The following DGKB variants were observed in gnomAD, a reference collection of about 807,000 sequenced individuals.
The protein encoded by DGKB is 90 kDa diacylglycerol kinase.
Under a neutral mutation model 114.3 loss-of-function variants are expected in DGKB, and 67 were observed. The ratio of observed to expected loss-of-function variants is 0.59; its 90% CI spans 0.48 to 0.72. The LOEUF is 0.72. DGKB is among the 30% of genes least tolerant of loss of function. DGKB has a pLI of 0.00. For synonymous variants in DGKB, 398 were observed against 323.1 expected (o/e 1.23, Z -2.49); for missense variants, 907 against 975.2 (o/e 0.93, Z 0.93).
intron 1 of DGKB, among the ~76,000 whole-genome samples, chr7:14,960,804 G>A (rs978513203): frequency 3.3e-5 from 5 of 151,940 alleles, no homozygotes; most frequent in Non-Finnish European, 7.4e-5. Flanking sequence ...TTTGTACTGT[G>A]AATACATTTA....
At chr7:14,421,694 T>C (rs755441020) in intron 21 of DGKB, among the ~76,000 whole-genome samples, 3 of 152,052 alleles carry the variant, frequency 2.0e-5, no homozygotes, top group Non-Finnish European at 2.9e-5. Context: ...TAGAGTACTT[T>C]TAAAAAGCTC....
chr7:14,549,883 G>C (rs547312213), intron 20 of DGKB, among the ~76,000 whole-genome samples: 2 of 152,144 alleles, frequency 1.3e-5, no homozygotes, highest in South Asian at 2.1e-4. Context: ...AGCTGGTTGA[G>C]AGGCTGAGGG....
At chr7:14,959,639 G>A (rs1786725713) in intron 1 of DGKB, among the ~76,000 whole-genome samples, 1 of 151,838 alleles carries the variant, frequency 6.6e-6, no homozygotes, top group Admixed American at 6.6e-5. Context: ...CCTGAAAGAA[G>A]TAACTGGAAA....
intron 20 of DGKB, among the ~76,000 whole-genome samples, chr7:14,553,864 G>GTTTT (rs1563492076): frequency 4.8e-5 from 4 of 83,160 alleles, no homozygotes; most frequent in Admixed American, 1.4e-4. Context: ...TCCTTTACAT[G>GTTTT]CTTTTTTTTT....
At chr7:14,405,650 GA>G (rs1205255552) in intron 21 of DGKB, among the ~76,000 whole-genome samples, 2 of 151,932 alleles carry the variant, frequency 1.3e-5, no homozygotes, top group Non-Finnish European at 2.9e-5. Context: ...CCAAGTTGGA[GA>G]AAAAAGTCAG....
chr7:14,429,947 A>C (rs917936587), intron 21 of DGKB, among the ~76,000 whole-genome samples: 2 of 152,066 alleles, frequency 1.3e-5, no homozygotes, highest in African/African-American at 2.4e-5. Flanking sequence ...AAAAAGGCAA[A>C]ATGTATTTCG....
At chr7:14,893,569 C>T (rs1191913971) in intron 1 of DGKB, among the ~76,000 whole-genome samples, 1 of 151,234 alleles carries the variant, frequency 6.6e-6, no homozygotes, top group African/African-American at 2.4e-5. Flanking sequence ...TCTATGCCAC[C>T]AAATTTTTAT....
intron 23 of DGKB, among the ~76,000 whole-genome samples, chr7:14,259,451 G>A (rs1194692329): frequency 1.3e-5 from 2 of 151,124 alleles, no homozygotes; most frequent in East Asian, 3.9e-4. Context: ...TTATAAGACG[G>A]AGTCTTGCTC....
chr7:14,974,043 A>G (rs1787651697), intron 1 of DGKB, among the ~76,000 whole-genome samples: 1 of 151,954 alleles, frequency 6.6e-6, no homozygotes, highest in Non-Finnish European at 1.5e-5. Flanking sequence ...TCAAATAAAA[A>G]GGCAAACATT....
chr7:14,689,374 A>T (rs868346074), intron 9 of DGKB, among the ~76,000 whole-genome samples: 2 of 151,566 alleles, frequency 1.3e-5, no homozygotes, highest in African/African-American at 4.9e-5. Flanking sequence ...ACGGGGTTTC[A>T]CCGTGTTAGC....
intron 2 of DGKB, among the ~76,000 whole-genome samples, chr7:14,830,520 C>T (rs1846269766): frequency 6.6e-6 from 1 of 152,078 alleles, no homozygotes; most frequent in Admixed American, 6.6e-5. Context: ...CATTTTATTC[C>T]TTTCCTGATA....
At chr7:14,193,787 A>C (rs79960210) in intron 23 of DGKB, among the ~76,000 whole-genome samples, 1,936 of 152,264 alleles carry the variant, frequency 0.013, 33 homozygotes, top group African/African-American at 0.044. Flanking sequence ...TATGTAGACT[A>C]TACTTCTAAC....
chr7:14,905,297 G>GA (rs1477429861), upstream of DGKB, among the ~76,000 whole-genome samples: 1 of 135,332 alleles, frequency 7.4e-6, no homozygotes, highest in East Asian at 2.1e-4. Flanking sequence ...TTCACTTTAA[G>GA]AAAAAACCAC....
chr7:14,790,441 T>G (rs1269589253), intron 2 of DGKB, among the ~76,000 whole-genome samples: 1 of 127,912 alleles, frequency 7.8e-6, no homozygotes, highest in Admixed American at 7.4e-5. Flanking sequence ...GTTTTAAATA[T>G]AAGACCACAT....
At chr7:14,417,432 G>A (rs1825881166) in intron 21 of DGKB, among the ~76,000 whole-genome samples, 1 of 152,028 alleles carries the variant, frequency 6.6e-6, no homozygotes, top group Middle Eastern at 3.2e-3. Flanking sequence ...TGAATGGTAA[G>A]AGCTGTTAGA....
At chr7:14,796,094 T>G (rs1003754882) in intron 2 of DGKB, among the ~76,000 whole-genome samples, 3 of 152,050 alleles carry the variant, frequency 2.0e-5, no homozygotes, top group African/African-American at 7.2e-5. Flanking sequence ...AAAGCTTGGG[T>G]GGAAGAATGG....
intron 23 of DGKB, among the ~76,000 whole-genome samples, chr7:14,283,284 T>G (rs564278963): frequency 0.019 from 2,791 of 150,560 alleles, 66 homozygotes; most frequent in African/African-American, 0.051. Context: ...GAGAATAAAA[T>G]ACCTAGGAAT....
In DGKB at chr7:14,630,265, G is replaced by A; in HGVS notation, c.1138C>T (p.Leu380=). ...GGAACTGAAACTCCTGAAGTGGGCAGAGTCTGCTGAAAAAGAGAAGTTCAT... is the reference window on the plus strand; with the variant it reads ...GGAACTGAAACTCCTGAAGTGGGCAAAGTCTGCTGAAAAAGAGAAGTTCAT... ...PTTICPVVLT[L]PTSGVSVPEE... The change falls in exon 14 of 26, where the codon CTG becomes TTG. Residue 380 remains leucine, a synonymous_variant. Coordinates refer to ENST00000402815, the MANE Select transcript of DGKB (RefSeq NM_001350709.2). The A allele has an allele frequency of 6.4e-7, 1 of 1,556,634 alleles. No individual in the cohort carries two copies. Among genetic ancestry groups the A allele is most frequent in the Non-Finnish European group, 8.7e-7 (1 of 1,150,848 alleles).
chr7:14,760,699 T>C (rs1835557598), intron 2 of DGKB, among the ~76,000 whole-genome samples: 1 of 152,086 alleles, frequency 6.6e-6, no homozygotes, highest in Non-Finnish European at 1.5e-5. Context: ...AATGATAAAA[T>C]GGAAGGCGGA....
Sources: allele counts gnomAD v4.1 joint callset (sites outside exome capture counted in the v4.1 genomes callset), GRCh38; gene constraint gnomAD v4.1.1; transcripts MANE v1.5; gene names NCBI Gene and HGNC (gene_info 2026-07-23, HGNC 2026-07-21).